Variants in TXNDC5 observed in about 807,000 individuals in gnomAD.
TXNDC5 encodes thioredoxin domain-containing protein 5.
A neutral mutation model predicts 52.6 loss-of-function variants in TXNDC5; 44 were observed. That is an observed-to-expected ratio of 0.84 (90% CI 0.66 to 1.08). The LOEUF is 1.08. TXNDC5 is among the 50% of genes least tolerant of loss of function. The probability of loss-of-function intolerance (pLI) is 0.00; values close to 1 mark genes in which losing one functional copy is unlikely to be tolerated. For synonymous variants in TXNDC5, 241 were observed against 234.4 expected (o/e 1.03, Z -0.26); for missense variants, 600 against 565.5 (o/e 1.06, Z -0.62).
At position 7,888,719 on chromosome 6, in the gene TXNDC5, G is replaced by A; in HGVS notation, c.949C>T (p.Pro317Ser). 6.2e-7 allele frequency: 1 copy of A among 1,612,090 alleles called. No individual in the cohort carries two copies. Among genetic ancestry groups the A allele is most frequent in the Non-Finnish European group, 8.5e-7 (1 of 1,179,496 alleles). Residue 317 changes from proline to serine, a missense_variant, in exon 7 of 10, where the codon CCC becomes TCC. Transcript: ENST00000379757. ...PSEAPVLAAE[P>S]EADKGTVLAL... ...CAGGCACCCACCTTGTCAGCCTCGG[G>A]CTCAGCTGCCAGCACCGGGGCCTCT...
chr6:7,888,317 A>G (rs1261205265), intron 7 of TXNDC5, among the ~76,000 whole-genome samples: 1 of 152,182 alleles, frequency 6.6e-6, no homozygotes, highest in Non-Finnish European at 1.5e-5. Flanking sequence ...AAATGCCCGG[A>G]GCAAGGTCAG....
At chr6:7,905,447 G>A (rs1288476253) in intron 1 of TXNDC5, among the ~76,000 whole-genome samples, 1 of 152,198 alleles carries the variant, frequency 6.6e-6, no homozygotes, top group Non-Finnish European at 1.5e-5. Flanking sequence ...TATACTTCTA[G>A]GGTTGAAGTA....
intron 5 of TXNDC5, among the ~76,000 whole-genome samples, chr6:7,890,835 G>T (rs879765482): frequency 6.6e-6 from 1 of 152,114 alleles, no homozygotes. Flanking sequence ...TGCAAAGGGG[G>T]AGACCGAGGC....
intron 2 of TXNDC5, among the ~76,000 whole-genome samples, chr6:7,900,858 T>G (rs562961185): frequency 6.6e-6 from 1 of 152,236 alleles, no homozygotes; most frequent in South Asian, 2.1e-4. Flanking sequence ...AGCTCCACCC[T>G]AATAACCTGC....
At chr6:7,893,516 T>C (rs1760267255) in intron 4 of TXNDC5, among the ~76,000 whole-genome samples, 1 of 151,568 alleles carries the variant, frequency 6.6e-6, no homozygotes, top group African/African-American at 2.4e-5. Context: ...AGTGACCCAC[T>C]TAGGGAGGCG....
At chr6:7,910,431 G>A (rs1760879929) in intron 1 of TXNDC5, 83 bp downstream of exon 1, 2 of 1,245,304 alleles carry the variant, frequency 1.6e-6, no homozygotes, top group South Asian at 5.0e-5. Context: ...GTGGCCCCGG[G>A]ACCCCCCGCC....
chr6:7,886,640 T>G (rs1350052852), intron 7 of TXNDC5, among the ~76,000 whole-genome samples: 2 of 152,232 alleles, frequency 1.3e-5, no homozygotes, highest in Admixed American at 6.5e-5. Context: ...TGATGGAAGC[T>G]CTGGCTGGAG....
intron 1 of TXNDC5, among the ~76,000 whole-genome samples, chr6:7,909,323 G>A (rs1332586171): frequency 6.6e-6 from 1 of 152,200 alleles, no homozygotes; most frequent in African/African-American, 2.4e-5. Context: ...GAACCTGCAG[G>A]CTATTCCAAC....
chr6:7,887,188 G>A (rs867206550), intron 7 of TXNDC5, among the ~76,000 whole-genome samples: 12 of 145,998 alleles, frequency 8.2e-5, no homozygotes, highest in Admixed American at 5.4e-4. Flanking sequence ...GAGGCCTGGT[G>A]TGGCCCCACC....
chr6:7,898,536 G>A (rs924771264), intron 3 of TXNDC5, among the ~76,000 whole-genome samples: 5 of 152,192 alleles, frequency 3.3e-5, no homozygotes, highest in African/African-American at 4.8e-5. Context: ...ATCAGTGGGC[G>A]CTTAGCTGAT....
rs1283283921 is a variant in TXNDC5 at position 7,899,640 on chromosome 6, TG to T, written c.454del (p.Gln152ArgfsTer17). 5.6e-6 allele frequency: 9 copies of T among 1,614,124 alleles called. No homozygotes were observed. The highest frequency in any genetic ancestry group is 7.6e-6 in the Non-Finnish European group (9 of 1,180,000). ...FKPGQEAVKY[Q>X]GPRDFQTLEN... is the part of the protein sequence containing the mutation. ...CAGTGTCTGGAAGTCCCGAGGACCC[TG>T]GTACTTCACAGCTTCTTGGCCTGGC... On this transcript the variant is annotated frameshift_variant, in exon 3 of 10. Transcript: ENST00000379757. LOFTEE classifies it high-confidence loss of function.
chr6:7,888,665 C>T lies in TXNDC5; in HGVS notation c.963+40G>A, dbSNP rs199559503. ...TGGGGAGGTGGGGGGCCGGGGGCCA[C>T]GGGCCACTTATGGGGATCCCGACTC... is the stretch of plus-strand genomic sequence containing the variant. On this transcript the variant is annotated intron_variant, in intron 7 of 9. Coordinates refer to ENST00000379757, the MANE Select transcript of TXNDC5 (RefSeq NM_030810.5). The T allele has an allele frequency of 3.8e-4, 601 of 1,576,064 alleles. 2 individuals are homozygous for T. The Middle Eastern group carries it at 4.2e-3, about 11-fold the overall frequency.
chr6:7,896,597 G>A (rs1286086524), intron 3 of TXNDC5, among the ~76,000 whole-genome samples: 4 of 152,192 alleles, frequency 2.6e-5, no homozygotes, highest in African/African-American at 9.7e-5. Flanking sequence ...TTTCCCTTCT[G>A]CTGCCAGCGC....
At chr6:7,892,236 A>C (rs552931225) in intron 4 of TXNDC5, among the ~76,000 whole-genome samples, 58 of 152,284 alleles carry the variant, frequency 3.8e-4, no homozygotes, top group African/African-American at 1.4e-3. Context: ...TTGTGCCCCC[A>C]AAAAACATCA....
intron 7 of TXNDC5, among the ~76,000 whole-genome samples, chr6:7,887,748 C>T (rs951887618): frequency 3.9e-5 from 6 of 152,120 alleles, no homozygotes; most frequent in Non-Finnish European, 4.4e-5. Context: ...CTCTCAACTC[C>T]AGCTCCTCTC....
At position 7,884,555 on chromosome 6, in the gene TXNDC5, C is replaced by T. The variant is rs1759892703; in HGVS notation, c.1047-67G>A. The T allele has an allele frequency of 5.6e-6, 9 of 1,603,702 alleles. No homozygotes were observed. The South Asian group carries it at 7.8e-5, about 14-fold the overall frequency. On this transcript the variant is annotated intron_variant, in intron 8 of 9. Transcript: ENST00000379757. ...GAGATCATTCACCTACACTCTGCTGCCAAGACAAGCTCTGTTTCTTCTGTA... is the reference window on the plus strand; with the variant it reads ...GAGATCATTCACCTACACTCTGCTGTCAAGACAAGCTCTGTTTCTTCTGTA...
intron 4 of TXNDC5, among the ~76,000 whole-genome samples, chr6:7,894,017 G>A (rs1227148080): frequency 2.6e-5 from 4 of 152,174 alleles, no homozygotes; most frequent in Non-Finnish European, 4.4e-5. Context: ...TCTGATATTA[G>A]GAGACCATTT....
Position 7,907,234 on chromosome 6 carries a change from C to T in TXNDC5, c.264-2511G>A, listed in dbSNP as rs184128766. Among the ~76,000 whole-genome samples the T allele has an allele frequency of 6.1e-4, 91 of 149,056 alleles. 1 individual carries two copies. In the Middle Eastern group the frequency reaches 0.021, roughly 34 times the overall value. On this transcript the variant is annotated intron_variant, in intron 1 of 9. Transcript: ENST00000379757. ...ATAAACAATAAATAAGTTTGTGGTG[C>T]GCTAAATCAAAACTGACCATTCTGG...
chr6:7,889,689 A>G (rs1760125609), intron 5 of TXNDC5, 108 bp from the exon 6 acceptor site: 5 of 821,908 alleles, frequency 6.1e-6, no homozygotes, highest in Non-Finnish European at 9.6e-6. Context: ...CAAAATCCAC[A>G]TTCTGTAGCA....
Sources: allele counts gnomAD v4.1 joint callset (sites outside exome capture counted in the v4.1 genomes callset), GRCh38; gene constraint gnomAD v4.1.1; transcripts MANE v1.5; gene names NCBI Gene and HGNC (gene_info 2026-07-23, HGNC 2026-07-21).